The following OSCP1 variants were observed in gnomAD, a reference collection of about 807,000 sequenced individuals.
OSCP1 encodes protein OSCP1.
A neutral mutation model predicts 45.1 loss-of-function variants in OSCP1; 35 were observed. That is an observed-to-expected ratio of 0.78 (90% CI 0.59 to 1.03). The LOEUF (loss-of-function observed/expected upper bound fraction) is 1.03, where lower values mean the gene tolerates loss of function less well. Ranked by LOEUF, OSCP1 falls within the 50% of genes least tolerant of loss-of-function variation. OSCP1 has a pLI of 0.00. For synonymous variants in OSCP1, 179 were observed against 180.1 expected, an observed-to-expected ratio of 0.99 and a Z score of 0.05; for missense variants, 400 against 470.7, an observed-to-expected ratio of 0.85 and a Z score of 1.39.
chr1:36,421,765 C>T (rs74495040), intron 7 of OSCP1, among the ~76,000 whole-genome samples: 2,107 of 152,324 alleles, frequency 0.014, 27 homozygotes, highest in African/African-American at 0.041. Context: ...TAAAACCCCC[C>T]ACTCTGACTT....
At chr1:36,446,054 G>C (rs921934496) in intron 1 of OSCP1, among the ~76,000 whole-genome samples, 5 of 145,766 alleles carry the variant, frequency 3.4e-5, no homozygotes, top group African/African-American at 1.0e-4. Context: ...AGGGAGACTT[G>C]CTTTGTCGCC....
chr1:36,430,677 CGGAGTCT>C, intron 4 of OSCP1, among the ~76,000 whole-genome samples: 1 of 152,240 alleles, frequency 6.6e-6, no homozygotes, highest in East Asian at 1.9e-4. Flanking sequence ...GTTTTTGAGA[CGGAGTCT>C]CCCTCTGTCG....
At chr1:36,431,445 G>A (rs1392352817) in intron 4 of OSCP1, among the ~76,000 whole-genome samples, 2 of 152,104 alleles carry the variant, frequency 1.3e-5, no homozygotes, top group Admixed American at 6.5e-5. Context: ...AGGAGGGGCA[G>A]CCTTCTGACA....
At chr1:36,435,163 C>G (rs949029493) in intron 2 of OSCP1, among the ~76,000 whole-genome samples, 2 of 146,154 alleles carry the variant, frequency 1.4e-5, no homozygotes, top group Admixed American at 7.0e-5. Context: ...GGCGTGAACA[C>G]AGCTCACTGA....
intron 2 of OSCP1, among the ~76,000 whole-genome samples, chr1:36,433,945 A>G (rs1648541635): frequency 6.6e-6 from 1 of 152,204 alleles, no homozygotes; most frequent in Non-Finnish European, 1.5e-5. Context: ...GGGAACGGAG[A>G]AGTCAGGGAA....
chr1:36,436,269 A>AT (rs1305804849), intron 2 of OSCP1, among the ~76,000 whole-genome samples: 1 of 148,624 alleles, frequency 6.7e-6, no homozygotes, highest in East Asian at 2.2e-4. Flanking sequence ...ACACCGGGCT[A>AT]ATTTTTTTTT....
In OSCP1 at chr1:36,450,312, T is replaced by C. The variant is rs1649825198; in HGVS notation, c.58A>G (p.Ile20Val). ...TGGGCCCGCAGCCGTTGGTCGAGGA[T>C]GTAAAGCATCTCCCCGCCCAAGTTC... ...FLNLGGEMLY[I>V]LDQRLRAQNI... Residue 20 changes from isoleucine (I) to valine (V), a missense_variant, in exon 1 of 10, where the codon ATC becomes GTC. Coordinates refer to ENST00000235532, the MANE Select transcript of OSCP1 (RefSeq NM_145047.5). 1 of 1,613,536 alleles carries C rather than the reference T, an allele frequency of 6.2e-7. No individual in the cohort carries two copies. The highest frequency in any genetic ancestry group is 1.7e-5 in the Admixed American group (1 of 59,984).
intron 4 of OSCP1, among the ~76,000 whole-genome samples, chr1:36,427,158 G>A (rs1256810528): frequency 6.7e-6 from 1 of 149,918 alleles, no homozygotes; most frequent in African/African-American, 2.5e-5. Context: ...CCGCCACCAT[G>A]CCTGGCTAAT....
At chr1:36,422,670 G>A in intron 6 of OSCP1, 98 bp downstream of exon 6, 1 of 1,247,560 alleles carries the variant, frequency 8.0e-7, no homozygotes. Context: ...TTGTCGGCAG[G>A]GATTTTCATA....
At position 36,427,802 on chromosome 1, in the gene OSCP1, T is replaced by G. The variant is rs191269650; in HGVS notation, c.516+4000A>C. The stretch of plus-strand genomic sequence containing the variant: ...ATGAAAAACTTAATCTTATTTGTAC[T>G]TTCATATTTTTTATTTTAATCAATG... On this transcript the variant is annotated intron_variant, in intron 4 of 9. Coordinates refer to ENST00000235532, the MANE Select transcript of OSCP1 (RefSeq NM_145047.5). Among the ~76,000 whole-genome samples the G allele has an allele frequency of 2.5e-4, 38 of 152,354 alleles. No individual in the cohort carries two copies. The East Asian group carries it at 6.7e-3, about 27-fold the overall frequency.
chr1:36,433,233 C>A (rs1648491591), intron 2 of OSCP1, among the ~76,000 whole-genome samples: 1 of 152,176 alleles, frequency 6.6e-6, no homozygotes, highest in Non-Finnish European at 1.5e-5. Context: ...GTGGTGAAGG[C>A]AGGCTTTGTG....
chr1:36,434,199 A>G (rs538032359), intron 2 of OSCP1, among the ~76,000 whole-genome samples: 1 of 152,230 alleles, frequency 6.6e-6, no homozygotes, highest in Non-Finnish European at 1.5e-5. Flanking sequence ...ATAAACAACT[A>G]CCATCTGAGT....
intron 1 of OSCP1, among the ~76,000 whole-genome samples, chr1:36,443,179 GCCTCGAACTCC>G (rs1467948963): frequency 6.6e-5 from 10 of 152,084 alleles, no homozygotes; most frequent in African/African-American, 2.2e-4. Context: ...GGCCAGGCTG[GCCTCGAACTCC>G]TGACCTCAAG....
chr1:36,448,078 T>C (rs1649652684), intron 1 of OSCP1, among the ~76,000 whole-genome samples: 1 of 152,334 alleles, frequency 6.6e-6, no homozygotes, highest in Non-Finnish European at 1.5e-5. Flanking sequence ...ATTAAATACA[T>C]TATTTCATTC....
chr1:36,438,659 A>G, intron 2 of OSCP1, 97 bp downstream of exon 2: 2 of 1,366,910 alleles, frequency 1.5e-6, no homozygotes, highest in South Asian at 1.5e-5. Flanking sequence ...TCTTGCAAGG[A>G]CCATTGCATA....
At position 36,432,404 on chromosome 1, in the gene OSCP1, C is replaced by G. The variant is rs773186709; in HGVS notation, c.435+18G>C. 50 of 1,612,406 alleles carry G rather than the reference C, an allele frequency of 3.1e-5. No homozygotes were observed. The Middle Eastern group carries it at 6.9e-4, about 22-fold the overall frequency. Reference sequence around the variant, plus strand: ...AAAGTACTGGGGCTGAGAGGCGAGACACTGATGGCACTCTTACTTCTGTCA... The same window carrying G: ...AAAGTACTGGGGCTGAGAGGCGAGAGACTGATGGCACTCTTACTTCTGTCA... On this transcript the variant is annotated intron_variant, in intron 3 of 9. Transcript: ENST00000235532.
intron 4 of OSCP1, chr1:36,428,432 G>A (rs748274893): frequency 1.2e-6 from 2 of 1,613,952 alleles, no homozygotes; most frequent in Admixed American, 3.3e-5. Flanking sequence ...GCAACACTGT[G>A]CACTGTGAAC....
At chr1:36,436,088 CTT>C (rs1345802642) in intron 2 of OSCP1, among the ~76,000 whole-genome samples, 9 of 145,644 alleles carry the variant, frequency 6.2e-5, no homozygotes, top group South Asian at 2.2e-4. Context: ...TAAAATTTTT[CTT>C]TCTCTCTCTC....
chr1:36,436,585 A>C lies in OSCP1; in HGVS notation c.267+2171T>G, dbSNP rs60096507. On this transcript the variant is annotated intron_variant, in intron 2 of 9. Transcript: ENST00000235532. ...AGATTTGGTCTTGCTGTGTTGCCCA[A>C]GCTGGTGTTGAACTCCTGGCCTCAA... 0.02 allele frequency among the ~76,000 whole-genome samples: 2,969 copies of C among 152,256 alleles called. 291 individuals carry two copies. In the East Asian group the frequency reaches 0.29, roughly 15 times the overall value.
Sources: gnomAD v4.1 joint callset for allele counts (sites outside exome capture counted in the v4.1 genomes callset) on GRCh38, gnomAD v4.1.1 for gene constraint, MANE v1.5 for transcripts, NCBI Gene and HGNC (gene_info 2026-07-23, HGNC 2026-07-21) for gene names.